Variants in CACNA2D3 observed in about 807,000 individuals in gnomAD.
CACNA2D3 encodes the protein calcium voltage-gated channel auxiliary subunit alpha2delta 3.
In CACNA2D3, 60 loss-of-function variants were observed where a neutral mutation model predicts 160.6. That is an observed-to-expected ratio of 0.37 (90% CI 0.30 to 0.46). The LOEUF is 0.46. CACNA2D3 is among the 20% of genes least tolerant of loss of function. The pLI is 1.00. For synonymous variants in CACNA2D3, 558 were observed against 492.9 expected (o/e 1.13, Z -1.75); for missense variants, 1,205 against 1,365.0 (o/e 0.88, Z 1.85).
chr3:54,329,189 A>C (rs192712844), intron 3 of CACNA2D3, among the ~76,000 whole-genome samples: 135 of 152,120 alleles, frequency 8.9e-4, no homozygotes, highest in Non-Finnish European at 1.5e-3. Context: ...TTTTATTTTC[A>C]TACATTGCCT....
intron 17 of CACNA2D3, among the ~76,000 whole-genome samples, chr3:54,868,161 A>T (rs1029931918): frequency 6.6e-6 from 1 of 152,190 alleles, no homozygotes; most frequent in African/African-American, 2.4e-5. Flanking sequence ...GGCCTGTTAT[A>T]TCTATGCAAC....
intron 2 of CACNA2D3, among the ~76,000 whole-genome samples, chr3:54,302,656 A>G (rs1454547215): frequency 6.6e-6 from 1 of 152,080 alleles, no homozygotes; most frequent in East Asian, 1.9e-4. Flanking sequence ...GCCTTTCCCA[A>G]AGTCTGATGA....
At chr3:54,122,971 T>G in intron 1 of CACNA2D3, 136 bp downstream of exon 1, 1 of 818,592 alleles carries the variant, frequency 1.2e-6, no homozygotes, top group Non-Finnish European at 1.6e-6. Flanking sequence ...CACCTGCCTT[T>G]CGGGACCCGC....
At chr3:54,285,819 G>T (rs147046170) in intron 2 of CACNA2D3, among the ~76,000 whole-genome samples, 2 of 152,196 alleles carry the variant, frequency 1.3e-5, no homozygotes, top group Non-Finnish European at 2.9e-5. Context: ...TGGCAAACAG[G>T]GTCTGGAGTG....
intron 18 of CACNA2D3, 56 bp from the exon 19 acceptor site, chr3:54,878,962 C>A (rs1200743740): frequency 9.0e-7 from 1 of 1,114,094 alleles, no homozygotes; most frequent in Non-Finnish European, 1.3e-6. Context: ...TGCAAGATGT[C>A]CAGATTACAT....
intron 13 of CACNA2D3, among the ~76,000 whole-genome samples, chr3:54,788,876 G>T (rs371041068): frequency 8.5e-5 from 13 of 152,236 alleles, no homozygotes; most frequent in African/African-American, 3.1e-4. Flanking sequence ...GTATTCTTAG[G>T]TATTCATTTC....
At chr3:54,847,127 G>A (rs1048861631) in intron 17 of CACNA2D3, among the ~76,000 whole-genome samples, 2 of 152,326 alleles carry the variant, frequency 1.3e-5, no homozygotes, top group Non-Finnish European at 1.5e-5. Flanking sequence ...GCCCATGGTA[G>A]CATCAACCCA....
At chr3:54,467,839 T>C (rs1490436058) in intron 4 of CACNA2D3, among the ~76,000 whole-genome samples, 2 of 152,190 alleles carry the variant, frequency 1.3e-5, no homozygotes, top group Non-Finnish European at 2.9e-5. Flanking sequence ...AAGAATGACA[T>C]ATTCTATATT....
intron 12 of CACNA2D3, among the ~76,000 whole-genome samples, chr3:54,760,086 G>T (rs545932526): frequency 6.6e-6 from 1 of 152,150 alleles, no homozygotes; most frequent in African/African-American, 2.4e-5. Context: ...CAACAAGGTG[G>T]GGATTTTTGA....
Position 55,073,806 on chromosome 3 carries a change from A to C in CACNA2D3, c.3130A>C (p.Lys1044Gln). ...TGAATCCCTTAAGTGTGAACGTCTA[A>C]AGGCCCAGAAGATCAGAAGGCGCCC... ...YNESLKCERL[K>Q]AQKIRRRPES... The change falls in exon 37 of 38, where the codon AAG (lysine) becomes CAG (glutamine). Residue 1044 changes from lysine (K) to glutamine (Q), a missense_variant. Around this residue, in one of 3 missense-constraint regions of CACNA2D3, gnomAD observed 911 missense variants for 1,002.2 expected, o/e 0.91. Coordinates refer to ENST00000474759, the MANE Select transcript of CACNA2D3 (RefSeq NM_018398.3). 2 of 1,613,824 alleles carry C rather than the reference A, an allele frequency of 1.2e-6. No individual in the cohort carries two copies. Among genetic ancestry groups the C allele is most frequent in the Non-Finnish European group, 1.7e-6 (2 of 1,179,772 alleles).
intron 2 of CACNA2D3, among the ~76,000 whole-genome samples, chr3:54,151,858 A>G (rs961463934): frequency 1.3e-5 from 2 of 152,062 alleles, no homozygotes; most frequent in Non-Finnish European, 2.9e-5. Flanking sequence ...GCCCCCAGGG[A>G]GAAACCCTGT....
At chr3:54,318,528 G>A (rs780487792) in intron 2 of CACNA2D3, among the ~76,000 whole-genome samples, 1 of 151,896 alleles carries the variant, frequency 6.6e-6, no homozygotes, top group Non-Finnish European at 1.5e-5. Context: ...TTTTTCCAGG[G>A]TCAACTTAAT....
chr3:54,407,995 G>A (rs1222425989), intron 4 of CACNA2D3, among the ~76,000 whole-genome samples: 1 of 152,166 alleles, frequency 6.6e-6, no homozygotes, highest in Non-Finnish European at 1.5e-5. Context: ...GGCCTCCTGT[G>A]TATCAGGCAC....
intron 4 of CACNA2D3, among the ~76,000 whole-genome samples, chr3:54,490,785 G>A (rs1418514460): frequency 1.3e-5 from 2 of 152,186 alleles, no homozygotes; most frequent in Non-Finnish European, 2.9e-5. Context: ...TCCCCCATGG[G>A]GAGAAGAGTT....
intron 3 of CACNA2D3, among the ~76,000 whole-genome samples, chr3:54,353,210 C>T (rs1698594844): frequency 6.6e-6 from 1 of 152,200 alleles, no homozygotes; most frequent in Non-Finnish European, 1.5e-5. Context: ...ACTGGTAGAG[C>T]TATTCCCTCA....
In CACNA2D3 at chr3:54,727,015, G is replaced by T. The variant is rs369755108; in HGVS notation, c.1168-25584G>T. Among the ~76,000 whole-genome samples the T allele has an allele frequency of 6.3e-4, 96 of 152,210 alleles. 2 individuals carry two copies. In the South Asian group the frequency reaches 0.019, roughly 31 times the overall value. Reference sequence around the variant, plus strand: ...GGAGAAGATTTTTGCAATCTATCCAGCTGACAAAGGGCTAATATCCAGAAT... The same window carrying T: ...GGAGAAGATTTTTGCAATCTATCCATCTGACAAAGGGCTAATATCCAGAAT... On this transcript the variant is annotated intron_variant, in intron 11 of 37. Coordinates refer to ENST00000474759, the MANE Select transcript of CACNA2D3 (RefSeq NM_018398.3).
At chr3:54,382,664 A>T (rs550190739) in intron 3 of CACNA2D3, among the ~76,000 whole-genome samples, 4 of 152,282 alleles carry the variant, frequency 2.6e-5, no homozygotes, top group African/African-American at 9.6e-5. Context: ...CATGCCTGTA[A>T]TCCCAGCTAC....
intron 11 of CACNA2D3, among the ~76,000 whole-genome samples, chr3:54,712,720 TC>T (rs1700975684): frequency 6.6e-6 from 1 of 152,202 alleles, no homozygotes; most frequent in Non-Finnish European, 1.5e-5. Flanking sequence ...TCTTGCCTTT[TC>T]CATTTTCCAG....
chr3:54,562,828 G>T lies in CACNA2D3; in HGVS notation c.573G>T (p.Trp191Cys). ...CTGCAATTGTCAATGGGGTTTATTGGTCTGAATCTCTAAACAAAGTTTTTG... is the reference window on the plus strand; with the variant it reads ...CTGCAATTGTCAATGGGGTTTATTGTTCTGAATCTCTAAACAAAGTTTTTG... ...KDPAIVNGVY[W>C]SESLNKVFVD... Residue 191 changes from tryptophan to cysteine, a missense_variant, in exon 6 of 38, where the codon TGG becomes TGT. Around this residue, in one of 3 missense-constraint regions of CACNA2D3, gnomAD observed 131 missense variants for 201.5 expected, o/e 0.65. Coordinates refer to ENST00000474759, the MANE Select transcript of CACNA2D3 (RefSeq NM_018398.3). The T allele has an allele frequency of 1.9e-6, 3 of 1,612,452 alleles. No individual in the cohort carries two copies. The highest frequency in any genetic ancestry group is 2.5e-6 in the Non-Finnish European group (3 of 1,178,746).
Sources: gnomAD v4.1 joint callset for allele counts (sites outside exome capture counted in the v4.1 genomes callset) on GRCh38, gnomAD v4.1.1 for gene constraint, gnomAD v4.1.1 regional missense constraint, MANE v1.5 for transcripts, NCBI Gene and HGNC (gene_info 2026-07-23, HGNC 2026-07-21) for gene names.